The following UBE2U variants were observed in gnomAD, a reference collection of about 807,000 sequenced individuals.
UBE2U encodes ubiquitin-conjugating enzyme E2 U.
A neutral mutation model predicts 41.2 loss-of-function variants in UBE2U; 39 were observed. The ratio of observed to expected loss-of-function variants is 0.95; its 90% CI spans 0.73 to 1.24. UBE2U has a LOEUF of 1.24. Among genes scored for constraint, UBE2U ranks in the 50% most tolerant of loss-of-function variants. UBE2U has a pLI of 0.00. For missense variants in UBE2U, 336 were observed against 363.1 expected (o/e 0.93, Z 0.61); for synonymous variants, 107 against 117.8 (o/e 0.91, Z 0.60).
chr1:64,204,695 C>A (rs929044191), intron 1 of UBE2U, among the ~76,000 whole-genome samples: 5 of 152,296 alleles, frequency 3.3e-5, no homozygotes, highest in African/African-American at 9.6e-5. Context: ...ATGGCTGCCA[C>A]AGGCTGATTT....
intron 9 of UBE2U, among the ~76,000 whole-genome samples, chr1:64,263,777 A>C (rs1481433953): frequency 6.6e-6 from 1 of 152,164 alleles, no homozygotes. Context: ...ATGCTTGGGA[A>C]GTTGTTCATA....
rs1425689795 is a variant in UBE2U at position 64,255,293 on chromosome 1, A to G, written c.678-5310A>G. Among the ~76,000 whole-genome samples, 3 of 152,184 alleles carry G rather than the reference A, an allele frequency of 2.0e-5. No individual in the cohort carries two copies. In the East Asian group the frequency reaches 5.8e-4, roughly 29 times the overall value. ...GCAATAATAGCCTACCAACCAAAAA[A>G]AAAGCTCAGAACCAGACAGATTCAC... On this transcript the variant is annotated intron_variant, in intron 8 of 9. Transcript: ENST00000371077.
intron 8 of UBE2U, among the ~76,000 whole-genome samples, chr1:64,245,490 C>T (rs1265680268): frequency 2.0e-5 from 3 of 152,114 alleles, no homozygotes; most frequent in South Asian, 2.1e-4. Context: ...ACTTATCAGT[C>T]CTGGTGGTGG....
intron 8 of UBE2U, 95 bp from the exon 9 acceptor site, chr1:64,260,508 T>C: frequency 1.1e-6 from 1 of 909,740 alleles, no homozygotes; most frequent in East Asian, 2.7e-5. Flanking sequence ...TCTACTTTTA[T>C]GTTTCATTTC....
chr1:64,259,360 C>A (rs1381978837), intron 8 of UBE2U, among the ~76,000 whole-genome samples: 1 of 152,004 alleles, frequency 6.6e-6, no homozygotes, highest in African/African-American at 2.4e-5. Context: ...GCTTTTGTTG[C>A]CGTTGCTTTT....
chr1:64,218,998 ATGGCCTTTT>A (rs1201907885), intron 5 of UBE2U, among the ~76,000 whole-genome samples: 1 of 152,064 alleles, frequency 6.6e-6, no homozygotes, highest in East Asian at 1.9e-4. Context: ...GTGTGCTGGG[ATGGCCTTTT>A]TGGTGCCTGC....
At chr1:64,224,442 G>T (rs1021837939) in intron 6 of UBE2U, among the ~76,000 whole-genome samples, 1 of 152,158 alleles carries the variant, frequency 6.6e-6, no homozygotes, top group Non-Finnish European at 1.5e-5. Flanking sequence ...AAGTAAGCGG[G>T]CCGGGTGCAG....
intron 8 of UBE2U, among the ~76,000 whole-genome samples, chr1:64,251,739 C>G (rs1211738305): frequency 6.6e-6 from 1 of 152,162 alleles, no homozygotes; most frequent in Non-Finnish European, 1.5e-5. Context: ...TGAGCCCCTG[C>G]TACCAGGGCC....
chr1:64,247,227 C>G (rs1644935623), intron 8 of UBE2U, among the ~76,000 whole-genome samples: 1 of 152,160 alleles, frequency 6.6e-6, no homozygotes, highest in Non-Finnish European at 1.5e-5. Flanking sequence ...ATCAATTTCT[C>G]TCTCCAATGT....
At chr1:64,207,993 AAAC>A (rs1226182596) in intron 3 of UBE2U, among the ~76,000 whole-genome samples, 3 of 152,244 alleles carry the variant, frequency 2.0e-5, no homozygotes, top group African/African-American at 7.2e-5. Flanking sequence ...GAAAGGCTAT[AAAC>A]AAACACTGGA....
At chr1:64,239,683 A>G (rs963180448) in intron 7 of UBE2U, among the ~76,000 whole-genome samples, 1 of 151,982 alleles carries the variant, frequency 6.6e-6, no homozygotes. Context: ...CCGTGTCCCT[A>G]CAAAGTACAT....
chr1:64,233,726 C>T (rs17357303), intron 7 of UBE2U, among the ~76,000 whole-genome samples: 5,128 of 152,282 alleles, frequency 0.034, 184 homozygotes, highest in Admixed American at 0.11. Flanking sequence ...GACAACTTTC[C>T]GGTTCCATTT....
At position 64,221,622 on chromosome 1, in the gene UBE2U, A is replaced by C. The variant is rs923611432; in HGVS notation, c.506+715A>C. On this transcript the variant is annotated intron_variant, in intron 6 of 9. Transcript: ENST00000371077. ...CATCTTGAACACCTGAACAAGGTAT[A>C]GGCCTAGAAACACACATACGGTTCG... Among the ~76,000 whole-genome samples the C allele has an allele frequency of 3.3e-5, 5 of 152,218 alleles. No homozygotes were observed. In the South Asian group the frequency reaches 1.0e-3, roughly 31 times the overall value.
intron 1 of UBE2U, 117 bp downstream of exon 1, chr1:64,204,233 A>G (rs1651149562): frequency 8.0e-6 from 6 of 754,662 alleles, no homozygotes; most frequent in Non-Finnish European, 6.2e-6. Flanking sequence ...CCACTACAGT[A>G]TTGTTATTTA....
At chr1:64,238,794 C>A (rs1398402143) in intron 7 of UBE2U, among the ~76,000 whole-genome samples, 2 of 152,006 alleles carry the variant, frequency 1.3e-5, no homozygotes, top group Non-Finnish European at 2.9e-5. Context: ...GTAATCCCAA[C>A]ACTTTGGGAG....
chr1:64,265,231 C>A (rs1419064572), intron 9 of UBE2U, among the ~76,000 whole-genome samples: 1 of 152,138 alleles, frequency 6.6e-6, no homozygotes, highest in African/African-American at 2.4e-5. Flanking sequence ...TGTGGAGTCA[C>A]TGAAAACATT....
chr1:64,256,699 A>G (rs1645097780), intron 8 of UBE2U, among the ~76,000 whole-genome samples: 1 of 152,226 alleles, frequency 6.6e-6, no homozygotes, highest in South Asian at 2.1e-4. Flanking sequence ...CATTCAGGAC[A>G]TAGGCACGGG....
intron 8 of UBE2U, among the ~76,000 whole-genome samples, chr1:64,257,260 G>A (rs149127594): frequency 1.3e-5 from 2 of 152,098 alleles, no homozygotes; most frequent in East Asian, 3.9e-4. Context: ...TCAAATCCTG[G>A]GTATATACCC....
intron 6 of UBE2U, among the ~76,000 whole-genome samples, chr1:64,231,305 C>T (rs531089043): frequency 2.0e-5 from 3 of 152,234 alleles, no homozygotes; most frequent in African/African-American, 7.2e-5. Context: ...AGTTTCCTTC[C>T]TCTTGAGTCA....
Sources: gnomAD v4.1 joint callset for allele counts (sites outside exome capture counted in the v4.1 genomes callset) on GRCh38, gnomAD v4.1.1 for gene constraint, MANE v1.5 for transcripts, NCBI Gene and HGNC (gene_info 2026-07-23, HGNC 2026-07-21) for gene names.